CYB561D1: variants seen among roughly 807,000 people sequenced by gnomAD.
The protein encoded by CYB561D1 is probable transmembrane reductase CYB561D1.
CYB561D1 carries 15 observed loss-of-function variants against 19.2 expected under a neutral mutation model. The observed-to-expected ratio is 0.78, with a 90% CI of 0.52 to 1.20. The LOEUF (loss-of-function observed/expected upper bound fraction) is 1.20. CYB561D1 is among the 50% of genes most tolerant of loss of function. The probability of loss-of-function intolerance (pLI) is 0.00; values close to 1 mark genes in which losing one functional copy is unlikely to be tolerated. For missense variants in CYB561D1, 297 were observed against 287.3 expected (o/e 1.03, Z -0.24); for synonymous variants, 133 against 120.6 (o/e 1.10, Z -0.68).
rs1325593633 is a variant in CYB561D1 at position 109,495,799 on chromosome 1, A to G, written c.230A>G (p.Glu77Gly). The change falls in exon 3 of 3, where the codon GAA (glutamate) becomes GGA (glycine). Residue 77 changes from glutamate to glycine, a missense_variant. By Grantham distance (98) the Glu-to-Gly change is moderately conservative (BLOSUM62 -2). Transcript: ENST00000420578. ...MAEAILLFSPEHSLFFFCSRK... is the reference protein window; with the variant it reads ...MAEAILLFSPGHSLFFFCSRK... Reference sequence around the variant, plus strand: ...GAAGCCATCCTACTCTTCTCACCTGAACACTCCCTGTTCTTCTTCTGCTCC... The same window carrying G: ...GAAGCCATCCTACTCTTCTCACCTGGACACTCCCTGTTCTTCTTCTGCTCC... The G allele has an allele frequency of 6.2e-6, 10 of 1,613,954 alleles. No homozygotes were observed. The highest frequency in any genetic ancestry group is 1.3e-5 in the African/African-American group (1 of 74,912).
At position 109,497,117 on chromosome 1, in the gene CYB561D1, G is replaced by A. The variant is rs916485216; in HGVS notation, c.*858G>A. ...TGGCTGGGCTGCCTAGCCCAGCTAA[G>A]ATCTTCCTTCAGCCCACCTCAGGAT... On this transcript the variant is annotated 3_prime_UTR_variant, in exon 3 of 3. Transcript: ENST00000420578. 6.5e-6 allele frequency: 1 copy of A among 152,686 alleles called. No homozygotes were observed. Among genetic ancestry groups the A allele is most frequent in the Non-Finnish European group, 1.5e-5 (1 of 68,052 alleles). The allele number at this position is 152,686 out of a possible 1,614,324, so 9.5% of individuals were successfully genotyped here.
At chr1:109,495,451 C>T (rs530236141) in intron 2 of CYB561D1, among the ~76,000 whole-genome samples, 8 of 152,264 alleles carry the variant, frequency 5.3e-5, no homozygotes, top group Non-Finnish European at 8.8e-5. Context: ...AGGTGTTATC[C>T]GGTCATCTCC....
At chr1:109,494,419 G>A (rs1657368648) in intron 1 of CYB561D1, 132 bp downstream of exon 1, 1 of 1,542,094 alleles carries the variant, frequency 6.5e-7, no homozygotes, top group Non-Finnish European at 8.7e-7. Flanking sequence ...GAGGGATTTT[G>A]AGGGCCTGGT....
In CYB561D1 at chr1:109,495,918, C is replaced by T. The variant is rs576030109; in HGVS notation, c.349C>T (p.Arg117Cys). 1.4e-5 allele frequency: 22 copies of T among 1,614,072 alleles called. No homozygotes were observed. The highest frequency in any genetic ancestry group is 6.6e-5 in the South Asian group (6 of 91,084). ...GLGFIISSRT[R>C]SELPHLVSWH... Reference sequence around the variant, plus strand: ...GGGCTTCATCATCTCCAGCAGGACCCGCAGTGAGCTGCCTCATCTGGTGTC... The same window carrying T: ...GGGCTTCATCATCTCCAGCAGGACCTGCAGTGAGCTGCCTCATCTGGTGTC... The change falls in exon 3 of 3, where the codon CGC (arginine) becomes TGC (cysteine). Residue 117 changes from arginine to cysteine, a missense_variant. Physicochemically the swap from Arg to Cys is radical, Grantham distance 180. Transcript: ENST00000420578.
chr1:109,495,159 C>T lies in CYB561D1; in HGVS notation c.165C>T (p.His55=), dbSNP rs1657451728. The change falls in exon 2 of 3, where the codon CAC becomes CAT. Residue 55 remains histidine, a synonymous_variant. Coordinates refer to ENST00000420578, the MANE Select transcript of CYB561D1 (RefSeq NM_182580.3). Reference sequence around the variant, plus strand: ...GATTCTTAGGTCTTTTCTCCTGGCACCCTGTATTCATGGCCTTGGCGGTGA... The same window carrying T: ...GATTCTTAGGTCTTTTCTCCTGGCATCCTGTATTCATGGCCTTGGCGGTGA... ...SRPGTSLFSW[H]PVFMALAFCL... 4 of 1,614,098 alleles carry T rather than the reference C, an allele frequency of 2.5e-6. No individual in the cohort carries two copies. Among genetic ancestry groups the T allele is most frequent in the African/African-American group, 1.3e-5 (1 of 74,914 alleles).
intron 1 of CYB561D1, 135 bp downstream of exon 1, chr1:109,494,422 G>A: frequency 1.3e-6 from 2 of 1,543,062 alleles, no homozygotes; most frequent in Non-Finnish European, 1.7e-6. Flanking sequence ...GGATTTTGAG[G>A]GCCTGGTGGG....
rs1394395933 is a variant in CYB561D1, at chr1:109,494,134, A to G, written c.-6A>G. ...GCTGGAGTGTACGGGCCCGCGGGCC[A>G]CGGCCATGCAGCCCCTGGAGGTAGG... On this transcript the variant is annotated 5_prime_UTR_variant, in exon 1 of 3. Transcript: ENST00000420578. 1.4e-5 allele frequency: 21 copies of G among 1,506,394 alleles called. No individual in the cohort carries two copies. Among genetic ancestry groups the G allele is most frequent in the East Asian group, 2.5e-5 (1 of 40,288 alleles). The allele number at this position is 1,506,394 out of a possible 1,614,324, so 93.3% of individuals were successfully genotyped here. A position where few individuals can be genotyped will look rare whatever the true frequency, so the allele number is the denominator to read the frequency against.
rs904032320 is a variant in CYB561D1, at chr1:109,498,120, CCTT to C, written c.*1864_*1866del. ...TCATCACAGCCAGTGCTGAGAGGCTCCTTCTACCTGCCGCAGGGTAGGAGGGCC... is the reference window on the plus strand; with the variant it reads ...TCATCACAGCCAGTGCTGAGAGGCTCCTACCTGCCGCAGGGTAGGAGGGCC... On this transcript the variant is annotated 3_prime_UTR_variant, in exon 3 of 3. Coordinates refer to ENST00000420578, the MANE Select transcript of CYB561D1 (RefSeq NM_182580.3). 1.9e-4 allele frequency: 29 copies of C among 152,374 alleles called. No individual in the cohort carries two copies. Among genetic ancestry groups the C allele is most frequent in the African/African-American group, 7.0e-4 (29 of 41,586 alleles). The allele number at this position is 152,374 out of a possible 1,614,324, so 9.4% of individuals were successfully genotyped here. A position where few individuals can be genotyped will look rare whatever the true frequency, so the allele number is the denominator to read the frequency against.
At chr1:109,494,455 A>G in intron 1 of CYB561D1, 168 bp downstream of exon 1, 1 of 1,548,312 alleles carries the variant, frequency 6.5e-7, no homozygotes, top group Non-Finnish European at 8.7e-7. Flanking sequence ...GGATCCTGGA[A>G]TAATGGGGTT....
In CYB561D1 at chr1:109,494,156, T is replaced by TA; in HGVS notation, c.18dup (p.Gly7ArgfsTer63). The TA allele has an allele frequency of 6.5e-7, 1 of 1,535,700 alleles. No homozygotes were observed. The highest frequency in any genetic ancestry group is 1.7e-4 in the Middle Eastern group (1 of 5,836). On this transcript the variant is annotated frameshift_variant, in exon 1 of 3. Coordinates refer to ENST00000420578, the MANE Select transcript of CYB561D1 (RefSeq NM_182580.3). LOFTEE classifies it high-confidence loss of function. ...GCCACGGCCATGCAGCCCCTGGAGG[T>TA]AGGTCTGGTTCCCGCTCCAGCTGGG... is the stretch of plus-strand genomic sequence containing the variant.
rs1657565523 is a variant in CYB561D1, at chr1:109,496,326, T to C, written c.*67T>C. On this transcript the variant is annotated 3_prime_UTR_variant, in exon 3 of 3. Coordinates refer to ENST00000420578, the MANE Select transcript of CYB561D1 (RefSeq NM_182580.3). ...ACATCATGGTTCCTTTGGTGATCTA[T>C]AAGGGATCTATTTAAGAAGTGGTCA... 6.7e-7 allele frequency: 1 copy of C among 1,501,110 alleles called. No individual in the cohort carries two copies. The highest frequency in any genetic ancestry group is 1.4e-5 in the African/African-American group (1 of 71,550). 93.0% of individuals were successfully genotyped at this position (1,501,110 alleles called of 1,614,324 possible).
rs1225195607 is a variant in CYB561D1 at position 109,494,292 on chromosome 1, G to A, written c.148+5G>A. On this transcript the variant is annotated splice_donor_5th_base_variant and intron_variant, in intron 1 of 2. Transcript: ENST00000420578. ...CGCTGTCCCGGCCAGGAACCAGTGA[G>A]TGTGCGGGGCGGGGTTGCGGAAGGG... 1.9e-6 allele frequency: 3 copies of A among 1,581,594 alleles called. No individual in the cohort carries two copies. The highest frequency in any genetic ancestry group is 1.7e-6 in the Non-Finnish European group (2 of 1,162,626).
Position 109,496,254 on chromosome 1 carries a change from A to C in CYB561D1, c.685A>C (p.Met229Leu), listed in dbSNP as rs756816336. 1 of 1,571,818 alleles carries C rather than the reference A, an allele frequency of 6.4e-7. No homozygotes were observed. Among genetic ancestry groups the C allele is most frequent in the South Asian group, 1.1e-5 (1 of 87,032 alleles). ...RSYLPRKKME[M>L] The stretch of plus-strand genomic sequence containing the variant: ...CTACTTGCCGAGGAAGAAAATGGAA[A>C]TGTGAGTTCCTGCGAACGCTGAATC... The change falls in exon 3 of 3, where the codon ATG becomes CTG. Residue 229 changes from methionine to leucine, a missense_variant. Transcript: ENST00000420578.
chr1:109,495,041 G>A, intron 1 of CYB561D1, 102 bp from the exon 2 acceptor site: 2 of 1,379,940 alleles, frequency 1.4e-6, no homozygotes, highest in Non-Finnish European at 1.0e-6. Flanking sequence ...TTAGGATTGG[G>A]GATGGTACTT....
rs535742462 is a variant in CYB561D1, at chr1:109,498,026, G to T, written c.*1767G>T. The T allele has an allele frequency of 6.6e-6, 1 of 152,466 alleles. No individual in the cohort carries two copies. Among genetic ancestry groups the T allele is most frequent in the South Asian group, 2.1e-4 (1 of 4,832 alleles). 9.4% of individuals were successfully genotyped at this position (152,466 alleles called of 1,614,324 possible). A position where few individuals can be genotyped will look rare whatever the true frequency, so the allele number is the denominator to read the frequency against. On this transcript the variant is annotated 3_prime_UTR_variant, in exon 3 of 3. Transcript: ENST00000420578. Reference sequence around the variant, plus strand: ...AGTGTGGTGTGAACTCAGAAGAAACGGTTACTGGGGCTGCATGGAGAATTT... The same window carrying T: ...AGTGTGGTGTGAACTCAGAAGAAACTGTTACTGGGGCTGCATGGAGAATTT...
At chr1:109,495,564 A>G in intron 2 of CYB561D1, 192 bp from the exon 3 acceptor site, 1 of 1,048,188 alleles carries the variant, frequency 9.5e-7, no homozygotes, top group Non-Finnish European at 1.4e-6. Context: ...GTCAACCTGA[A>G]TGAGGAGACG....
rs76275386 is a variant in CYB561D1, at chr1:109,495,116, C to T, written c.149-27C>T. On this transcript the variant is annotated intron_variant, in intron 1 of 2. Coordinates refer to ENST00000420578, the MANE Select transcript of CYB561D1 (RefSeq NM_182580.3). ...AGGGGCAGGAACAATGGTACCAAGC[C>T]CTCAGCCTGTTCTCTTTGATTCTTA... The T allele has an allele frequency of 1.5e-3, 2,432 of 1,614,032 alleles. 51 individuals are homozygous for T. In the African/African-American group the frequency reaches 0.028, roughly 19 times the overall value.
Position 109,497,597 on chromosome 1 carries a change from T to A in CYB561D1, c.*1338T>A, listed in dbSNP as rs1657640801. 6.6e-6 allele frequency: 1 copy of A among 152,220 alleles called. No individual in the cohort carries two copies. Among genetic ancestry groups the A allele is most frequent in the Admixed American group, 6.5e-5 (1 of 15,280 alleles). The allele number at this position is 152,220 out of a possible 1,614,324, so 9.4% of individuals were successfully genotyped here. ...CTCAGTTGAGAAGATAGGATCTCCC[T>A]AGATCATGGCAAGGCCTGACAACAG... is the stretch of plus-strand genomic sequence containing the variant. On this transcript the variant is annotated 3_prime_UTR_variant, in exon 3 of 3. Coordinates refer to ENST00000420578, the MANE Select transcript of CYB561D1 (RefSeq NM_182580.3).
At position 109,495,897 on chromosome 1, in the gene CYB561D1, T is replaced by A; in HGVS notation, c.328T>A (p.Phe110Ile). 6.2e-7 allele frequency: 1 copy of A among 1,614,000 alleles called. No individual in the cohort carries two copies. Among genetic ancestry groups the A allele is most frequent in the African/African-American group, 1.3e-5 (1 of 75,058 alleles). The stretch of plus-strand genomic sequence containing the variant: ...CCTCTGTGCAGCTCTGGGCCTGGGC[T>A]TCATCATCTCCAGCAGGACCCGCAG... Reference protein sequence around the residue: ...AILCAALGLGFIISSRTRSEL... With the variant: ...AILCAALGLGIIISSRTRSEL... Residue 110 changes from phenylalanine (F) to isoleucine (I), a missense_variant, in exon 3 of 3, where the codon TTC becomes ATC. By Grantham distance (21) the Phe-to-Ile change is conservative. Transcript: ENST00000420578.
Sources: allele counts gnomAD v4.1 joint callset (sites outside exome capture counted in the v4.1 genomes callset), GRCh38; gene constraint gnomAD v4.1.1; transcripts MANE v1.5; gene names NCBI Gene and HGNC (gene_info 2026-07-23, HGNC 2026-07-21).